NRXN3: variants seen among roughly 807,000 people sequenced by gnomAD.
NRXN3 encodes neurexin 3, also known as neurexin III.
In NRXN3, 32 loss-of-function variants were observed where a neutral mutation model predicts 137.6. The observed-to-expected ratio is 0.23, with a 90% confidence interval of 0.18 to 0.31. The LOEUF is 0.31. Among genes scored for constraint, NRXN3 ranks in the 10% least tolerant of loss-of-function variants. The pLI is 1.00. For synonymous variants in NRXN3, 798 were observed against 784.5 expected, an observed-to-expected ratio of 1.02 and a Z score of -0.29; for missense variants, 1,574 against 2,062.5, an observed-to-expected ratio of 0.76 and a Z score of 4.59.
chr14:78,264,460 T>C (rs908278744), intron 2 of NRXN3, among the ~76,000 whole-genome samples: 1 of 152,104 alleles, frequency 6.6e-6, no homozygotes, highest in African/African-American at 2.4e-5. Context: ...TCCTCTCTTG[T>C]GGAAAATTAG....
At chr14:78,345,779 G>A (rs1340946488) in intron 4 of NRXN3, among the ~76,000 whole-genome samples, 3 of 152,160 alleles carry the variant, frequency 2.0e-5, no homozygotes, top group African/African-American at 7.2e-5. Context: ...TTACATCCAG[G>A]CACCTGCTGG....
chr14:79,056,837 C>T (rs977024751), intron 15 of NRXN3, among the ~76,000 whole-genome samples: 2 of 152,156 alleles, frequency 1.3e-5, no homozygotes, highest in African/African-American at 4.8e-5. Flanking sequence ...AGCAGGTGCC[C>T]CTTCCAAATG....
chr14:79,446,350 C>T (rs2096063593), intron 15 of NRXN3, among the ~76,000 whole-genome samples: 1 of 152,124 alleles, frequency 6.6e-6, no homozygotes, highest in Non-Finnish European at 1.5e-5. Flanking sequence ...GTACACAGCC[C>T]TTTTTCTGAA....
intron 16 of NRXN3, among the ~76,000 whole-genome samples, chr14:79,566,439 C>T (rs897940073): frequency 6.6e-6 from 1 of 151,994 alleles, no homozygotes; most frequent in Non-Finnish European, 1.5e-5. Flanking sequence ...TCTTCTTTTC[C>T]AAGCCCTGCA....
chr14:79,133,789 C>T (rs568524685), intron 15 of NRXN3, among the ~76,000 whole-genome samples: 20 of 151,474 alleles, frequency 1.3e-4, no homozygotes, highest in African/African-American at 3.6e-4. Flanking sequence ...ATTAGGTGGG[C>T]GTGGTGGTGG....
At chr14:79,381,868 C>T (rs1187105023) in intron 15 of NRXN3, among the ~76,000 whole-genome samples, 1 of 152,168 alleles carries the variant, frequency 6.6e-6, no homozygotes, top group East Asian at 1.9e-4. Flanking sequence ...TTTGGGTTCA[C>T]ATTTCACTTC....
chr14:78,285,681 T>G (rs1336647506), intron 3 of NRXN3, among the ~76,000 whole-genome samples: 1 of 152,190 alleles, frequency 6.6e-6, no homozygotes, highest in Non-Finnish European at 1.5e-5. Flanking sequence ...GAATCAACAG[T>G]GCTTAGGACT....
At chr14:78,574,100 G>A (rs964133832) in intron 4 of NRXN3, among the ~76,000 whole-genome samples, 1 of 152,188 alleles carries the variant, frequency 6.6e-6, no homozygotes, top group African/African-American at 2.4e-5. Flanking sequence ...ATGTGGTGTT[G>A]GGCCTGTGGG....
At chr14:78,817,769 C>T (rs773069230) in intron 10 of NRXN3, among the ~76,000 whole-genome samples, 8 of 152,076 alleles carry the variant, frequency 5.3e-5, no homozygotes, top group Non-Finnish European at 1.2e-4. Context: ...AAGTCACTAA[C>T]CCCTGCCTGA....
intron 4 of NRXN3, among the ~76,000 whole-genome samples, chr14:78,546,820 C>A (rs1401942596): frequency 6.6e-6 from 1 of 152,082 alleles, no homozygotes; most frequent in Non-Finnish European, 1.5e-5. Flanking sequence ...AACTCTGAGA[C>A]ATAGGTTTTC....
intron 16 of NRXN3, among the ~76,000 whole-genome samples, chr14:79,663,003 T>C: frequency 6.6e-6 from 1 of 152,128 alleles, no homozygotes; most frequent in East Asian, 1.9e-4. Context: ...ATCTAATTCA[T>C]TGCAATTTCC....
intron 15 of NRXN3, among the ~76,000 whole-genome samples, chr14:79,260,736 T>C (rs2077468375): frequency 6.6e-6 from 1 of 152,096 alleles, no homozygotes; most frequent in African/African-American, 2.4e-5. Context: ...CTTTATAAAT[T>C]CTCAGAGCTC....
intron 16 of NRXN3, among the ~76,000 whole-genome samples, chr14:79,531,097 A>G (rs1015800540): frequency 4.6e-5 from 7 of 152,210 alleles, no homozygotes; most frequent in Non-Finnish European, 8.8e-5. Context: ...ATTTACTGCA[A>G]TTGTATTTAA....
At chr14:79,619,969 G>A (rs1027423024) in intron 16 of NRXN3, among the ~76,000 whole-genome samples, 2 of 152,090 alleles carry the variant, frequency 1.3e-5, no homozygotes, top group Non-Finnish European at 2.9e-5. Context: ...TCTATGAAGT[G>A]ATTTGGATGT....
At chr14:78,748,335 T>C (rs527454952) in intron 8 of NRXN3, among the ~76,000 whole-genome samples, 1 of 133,662 alleles carries the variant, frequency 7.5e-6, no homozygotes, top group East Asian at 2.2e-4. Context: ...GAGAATACTG[T>C]ATTCAAGATC....
chr14:78,842,497 G>A (rs1433976604), intron 10 of NRXN3, among the ~76,000 whole-genome samples: 1 of 152,082 alleles, frequency 6.6e-6, no homozygotes, highest in Non-Finnish European at 1.5e-5. Context: ...AATGGAGGCA[G>A]GGCGAGATCA....
intron 15 of NRXN3, among the ~76,000 whole-genome samples, chr14:79,032,554 A>G (rs2099609853): frequency 6.6e-6 from 1 of 152,184 alleles, no homozygotes; most frequent in South Asian, 2.1e-4. Context: ...CTGTCAATTC[A>G]CTTGTTCTGT....
At chr14:78,393,487 C>T (rs1417573715) in intron 4 of NRXN3, among the ~76,000 whole-genome samples, 1 of 151,968 alleles carries the variant, frequency 6.6e-6, no homozygotes, top group African/African-American at 2.4e-5. Flanking sequence ...GTCTTTTTGC[C>T]AGTACTCTGA....
chr14:79,658,077 A>G (rs2098515220), intron 16 of NRXN3, among the ~76,000 whole-genome samples: 1 of 152,190 alleles, frequency 6.6e-6, no homozygotes, highest in South Asian at 2.1e-4. Flanking sequence ...CCTACATAAA[A>G]TATGTAATAT....
Sources: gnomAD v4.1 joint callset for allele counts (sites outside exome capture counted in the v4.1 genomes callset) on GRCh38, gnomAD v4.1.1 for gene constraint, MANE v1.5 for transcripts, NCBI Gene and HGNC (gene_info 2026-07-23, HGNC 2026-07-21) for gene names.